ELP1: variants seen among roughly 807,000 people sequenced by gnomAD.
The protein encoded by ELP1 is elongator acetyltransferase complex subunit 1.
Under a neutral mutation model 183.2 loss-of-function variants are expected in ELP1, and 131 were observed. The observed-to-expected ratio is 0.72, with a 90% confidence interval of 0.62 to 0.83. The LOEUF (loss-of-function observed/expected upper bound fraction) is 0.83. ELP1 is among the 40% of genes least tolerant of loss of function. The pLI is 0.00. For synonymous variants in ELP1, 555 were observed against 569.0 expected (o/e 0.98, Z 0.35); for missense variants, 1,550 against 1,594.9 (o/e 0.97, Z 0.48).
Position 108,898,696 on chromosome 9 carries a change from T to C in ELP1, c.2258A>G (p.Asn753Ser), listed in dbSNP as rs201601641. 15 of 1,612,944 alleles carry C rather than the reference T, an allele frequency of 9.3e-6. No individual in the cohort carries two copies. Among genetic ancestry groups the C allele is most frequent in the East Asian group, 8.9e-5 (4 of 44,830 alleles). The change falls in exon 21 of 37, where the codon AAT becomes AGT. Residue 753 changes from asparagine (N) to serine (S), a missense_variant. Transcript: ENST00000374647. Reference protein sequence around the residue: ...ECMRKLRINLNLIYDHNPKVF... With the variant: ...ECMRKLRINLSLIYDHNPKVF... ...CTTAGGGTTATGATCATAAATCAGA[T>C]TGAGATTGATTCTCAGCTTTCTCAT...
chr9:108,901,444 C>T lies in ELP1; in HGVS notation c.1995G>A (p.Leu665=). The change falls in exon 18 of 37, where the codon CTG becomes CTA. Residue 665 remains leucine (L), a synonymous_variant. Transcript: ENST00000374647. ...THSHTCQCFC[L]RDASFKTLQA... is the part of the protein sequence containing the mutation. ...ACTTACTTTTAAATGAAGCATCCCT[C>T]AGGCAAAAACACTGGCAGGTATGGG... The T allele has an allele frequency of 6.2e-7, 1 of 1,612,802 alleles. No individual in the cohort carries two copies. The highest frequency in any genetic ancestry group is 8.5e-7 in the Non-Finnish European group (1 of 1,178,748).
In ELP1 at chr9:108,931,060, T is replaced by C; in HGVS notation, c.87A>G (p.Glu29=). 1 of 1,614,142 alleles carries C rather than the reference T, an allele frequency of 6.2e-7. No individual in the cohort carries two copies. The highest frequency in any genetic ancestry group is 1.1e-5 in the South Asian group (1 of 91,082). The change falls in exon 2 of 37, where the codon GAA becomes GAG. Residue 29 remains glutamate, a synonymous_variant. Transcript: ENST00000374647. ...GNPQCFSLRT[E]QGTVLIGSEH... ...CTGAACCAATGAGCACCGTCCCCTG[T>C]TCAGTTCGGAGAGAGAAGCACTGAG...
intron 13 of ELP1, among the ~76,000 whole-genome samples, chr9:108,907,489 T>C (rs1829063768): frequency 6.6e-6 from 1 of 152,232 alleles, no homozygotes; most frequent in Non-Finnish European, 1.5e-5. Context: ...ATTAAATATA[T>C]CACATATATT....
intron 29 of ELP1, among the ~76,000 whole-genome samples, chr9:108,883,714 A>C (rs1401822152): frequency 6.6e-6 from 1 of 152,210 alleles, no homozygotes; most frequent in Non-Finnish European, 1.5e-5. Flanking sequence ...GATTATCTGA[A>C]GATATGGTCA....
chr9:108,880,418 T>C (rs1827881567), intron 31 of ELP1, among the ~76,000 whole-genome samples: 1 of 150,416 alleles, frequency 6.6e-6, no homozygotes, highest in African/African-American at 2.4e-5. Flanking sequence ...GAAGACTTGA[T>C]ACCTAAAGCA....
At chr9:108,871,219 T>C (rs777516223) in intron 36 of ELP1, among the ~76,000 whole-genome samples, 11 of 152,080 alleles carry the variant, frequency 7.2e-5, no homozygotes, top group Non-Finnish European at 1.3e-4. Flanking sequence ...ATCCTTTCTA[T>C]AGAGTACTGT....
At chr9:108,930,940 G>C (rs1312803975) in intron 2 of ELP1, 57 bp downstream of exon 2, 19 of 1,565,102 alleles carry the variant, frequency 1.2e-5, no homozygotes, top group Non-Finnish European at 1.7e-5. Flanking sequence ...AAGAAATTTG[G>C]AAGAAGAGAA....
Position 108,868,779 on chromosome 9 carries a change from C to G in ELP1, c.*336G>C. On this transcript the variant is annotated 3_prime_UTR_variant, in exon 37 of 37. Transcript: ENST00000374647. ...AAGACAATTTAGAAACATTGTTTTA[C>G]TTGTCTTCACACTTTGGAGGTAGAA... 2 of 566,404 alleles carry G rather than the reference C, an allele frequency of 3.5e-6. No individual in the cohort carries two copies. The highest frequency in any genetic ancestry group is 6.2e-6 in the Non-Finnish European group (2 of 320,834). 35.1% of individuals were successfully genotyped at this position (566,404 alleles called of 1,614,324 possible).
Position 108,869,146 on chromosome 9 carries a change from C to T in ELP1, c.3968G>A (p.Arg1323Lys). The change falls in exon 37 of 37, where the codon AGA (arginine) becomes AAA (lysine). Residue 1323 changes from arginine (R) to lysine (K), a missense_variant. Arg to Lys is a conservative substitution (Grantham distance 26). Transcript: ENST00000374647. ...ELFIPPKINR[R>K]TQWKLSLLD is the part of the protein sequence containing the mutation. ...TAGCAGGCTCAGCTTCCACTGGGTT[C>T]TTCTGTTGATCTTTGGTGGTATAAA... 1 of 1,614,150 alleles carries T rather than the reference C, an allele frequency of 6.2e-7. No individual in the cohort carries two copies. Among genetic ancestry groups the T allele is most frequent in the Non-Finnish European group, 8.5e-7 (1 of 1,180,012 alleles).
chr9:108,902,500 T>C (rs981419248), intron 16 of ELP1, among the ~76,000 whole-genome samples: 1 of 152,222 alleles, frequency 6.6e-6, no homozygotes, highest in African/African-American at 2.4e-5. Context: ...CATTCTAGTA[T>C]GTGTTGAATA....
Position 108,922,925 on chromosome 9 carries a change from T to C in ELP1, c.469A>G (p.Lys157Glu), listed in dbSNP as rs748791244. The C allele has an allele frequency of 6.2e-7, 1 of 1,612,278 alleles. No homozygotes were observed. The highest frequency in any genetic ancestry group is 8.5e-7 in the Non-Finnish European group (1 of 1,178,268). ...QIHQDDFGESKFITVGWGRKE... is the reference protein window; with the variant it reads ...QIHQDDFGESEFITVGWGRKE... ...CTACCCCATCCAACAGTGATAAACT[T>C]GCCTACAGAACAATTGGCAAGACAA... The change falls in exon 6 of 37, where the codon AAG becomes GAG. Residue 157 changes from lysine (K) to glutamate (E), a missense_variant and splice_region_variant. Lys to Glu is a moderately conservative substitution (Grantham distance 56). Transcript: ENST00000374647.
chr9:108,901,808 A>G, intron 16 of ELP1, 127 bp from the exon 17 acceptor site: 1 of 894,622 alleles, frequency 1.1e-6, no homozygotes, highest in Non-Finnish European at 1.8e-6. Context: ...GACTAAAGAT[A>G]GATACCTAAG....
At chr9:108,891,582 G>C (rs1410600161) in intron 27 of ELP1, among the ~76,000 whole-genome samples, 178 bp from the exon 28 acceptor site, 1 of 152,178 alleles carries the variant, frequency 6.6e-6, no homozygotes, top group Non-Finnish European at 1.5e-5. Flanking sequence ...CTGAGGATGT[G>C]CCATTTATTC....
At chr9:108,879,670 T>A in intron 32 of ELP1, 113 bp from the exon 33 acceptor site, 6 of 745,114 alleles carry the variant, frequency 8.1e-6, no homozygotes, top group Non-Finnish European at 2.4e-6. Context: ...AAAGGATGGA[T>A]GAAAATGATT....
Position 108,911,174 on chromosome 9 carries a change from A to G in ELP1, c.1196T>C (p.Val399Ala). ...SNVAVIDGNRVLVTVFRQTVV... is the reference protein window; with the variant it reads ...SNVAVIDGNRALVTVFRQTVV... The stretch of plus-strand genomic sequence containing the variant: ...AGTCTGCCGGAAGACTGTCACCAAC[A>G]CCCTGTCTGCAGTGAAAAAGAAAGA... The change falls in exon 12 of 37, where the codon GTG (valine) becomes GCG (alanine). Residue 399 changes from valine (V) to alanine (A), a missense_variant. Physicochemically the swap from Val to Ala is moderately conservative, Grantham distance 64. Transcript: ENST00000374647. 1 of 1,614,072 alleles carries G rather than the reference A, an allele frequency of 6.2e-7. No individual in the cohort carries two copies. Among genetic ancestry groups the G allele is most frequent in the Non-Finnish European group, 8.5e-7 (1 of 1,179,968 alleles).
chr9:108,902,182 T>C (rs956821440), intron 16 of ELP1, among the ~76,000 whole-genome samples: 4 of 151,830 alleles, frequency 2.6e-5, no homozygotes, highest in African/African-American at 9.7e-5. Context: ...GCTCAAGGAG[T>C]TTGTTGTTCC....
intron 10 of ELP1, among the ~76,000 whole-genome samples, chr9:108,915,138 T>A (rs1372140156): frequency 1.3e-5 from 2 of 152,220 alleles, no homozygotes; most frequent in Non-Finnish European, 2.9e-5. Context: ...AAAAATATTC[T>A]TACTTTTACG....
chr9:108,868,061 A>G lies in ELP1; in HGVS notation c.*1054T>C, dbSNP rs577931217. ...AGATCCTACGTGAATCGCTTGTGCC[A>G]TCCTCGTGGTAATGAGTGAGTTTTC... On this transcript the variant is annotated 3_prime_UTR_variant, in exon 37 of 37. Transcript: ENST00000374647. The G allele has an allele frequency of 2.6e-5, 4 of 152,348 alleles. No homozygotes were observed. Among genetic ancestry groups the G allele is most frequent in the South Asian group, 2.1e-4 (1 of 4,826 alleles). The allele number at this position is 152,348 out of a possible 1,614,324, so 9.4% of individuals were successfully genotyped here. A position where few individuals can be genotyped will look rare whatever the true frequency, so the allele number is the denominator to read the frequency against.
Position 108,900,447 on chromosome 9 carries a change from G to A in ELP1, c.2015-72C>T, listed in dbSNP as rs1341217. ...CTCTCCATTAACTGCAATTGAAACC[G>A]CACACATTATGTGAAATAGAAGAGA... On this transcript the variant is annotated intron_variant, in intron 18 of 36. Transcript: ENST00000374647. The A allele has an allele frequency of 0.21, 209,012 of 1,009,760 alleles. 24,691 individuals are homozygous for A. The highest frequency in any genetic ancestry group is 0.43 in the African/African-American group (27,242 of 62,694). 62.6% of individuals were successfully genotyped at this position (1,009,760 alleles called of 1,614,324 possible).
Sources: gnomAD v4.1 joint callset for allele counts (sites outside exome capture counted in the v4.1 genomes callset) on GRCh38, gnomAD v4.1.1 for gene constraint, MANE v1.5 for transcripts, NCBI Gene and HGNC (gene_info 2026-07-23, HGNC 2026-07-21) for gene names.